Variants in BRINP3 observed in about 807,000 individuals in gnomAD.
BRINP3 encodes the protein BMP/retinoic acid inducible neural specific 3, also known as BMP/retinoic acid-inducible neural-specific protein 3.
A neutral mutation model predicts 71.0 loss-of-function variants in BRINP3; 19 were observed. That is an observed-to-expected ratio of 0.27 (90% CI 0.19 to 0.39). The LOEUF is 0.39. Among genes scored for constraint, BRINP3 ranks in the 10% least tolerant of loss-of-function variants. The pLI is 1.00. For missense variants in BRINP3, 959 were observed against 940.8 expected, an observed-to-expected ratio of 1.02 and a Z score of -0.25; for synonymous variants, 380 against 337.7, an observed-to-expected ratio of 1.13 and a Z score of -1.37.
At chr1:190,161,209 T>C (rs1048338089) in intron 6 of BRINP3, among the ~76,000 whole-genome samples, 1 of 152,018 alleles carries the variant, frequency 6.6e-6, no homozygotes, top group African/African-American at 2.4e-5. Flanking sequence ...CTTTTAAACG[T>C]CTTTCAGTAA....
intron 2 of BRINP3, among the ~76,000 whole-genome samples, chr1:190,379,195 G>A (rs1221684514): frequency 1.3e-5 from 2 of 152,030 alleles, no homozygotes; most frequent in Non-Finnish European, 2.9e-5. Flanking sequence ...TTTATTACAT[G>A]ATTTAAAAAA....
At chr1:190,384,357 C>T (rs144720307) in intron 2 of BRINP3, among the ~76,000 whole-genome samples, 60 of 151,762 alleles carry the variant, frequency 4.0e-4, no homozygotes, top group African/African-American at 1.4e-3. Flanking sequence ...GAAAATCAAA[C>T]TGTAATTAAT....
chr1:190,306,580 A>C (rs1487744882), intron 2 of BRINP3, among the ~76,000 whole-genome samples: 1 of 152,000 alleles, frequency 6.6e-6, no homozygotes, highest in Non-Finnish European at 1.5e-5. Context: ...ACTTTAGATA[A>C]AATGGCCATG....
At chr1:190,278,612 G>A (rs1662801379) in intron 3 of BRINP3, among the ~76,000 whole-genome samples, 1 of 151,290 alleles carries the variant, frequency 6.6e-6, no homozygotes, top group African/African-American at 2.4e-5. Flanking sequence ...AATTCCCGCA[G>A]GAAAATAAAG....
intron 2 of BRINP3, among the ~76,000 whole-genome samples, chr1:190,328,590 C>T (rs995951504): frequency 6.6e-6 from 1 of 151,752 alleles, no homozygotes. Context: ...TGAATCATAC[C>T]AGATATACAA....
At chr1:190,196,838 T>A (rs748996532) in intron 6 of BRINP3, among the ~76,000 whole-genome samples, 21 of 151,810 alleles carry the variant, frequency 1.4e-4, no homozygotes, top group Non-Finnish European at 2.9e-4. Context: ...ACTGAGAAAC[T>A]TTCATGGGTA....
intron 1 of BRINP3, among the ~76,000 whole-genome samples, chr1:190,458,927 T>C (rs879093613): frequency 6.6e-6 from 1 of 151,706 alleles, no homozygotes. Context: ...AGTGATTTTA[T>C]ATAAAAGAGA....
intron 2 of BRINP3, among the ~76,000 whole-genome samples, chr1:190,428,338 A>T (rs771777991): frequency 6.6e-6 from 1 of 152,038 alleles, no homozygotes. Context: ...ACTAAAATAT[A>T]CTATGAATAA....
intron 6 of BRINP3, among the ~76,000 whole-genome samples, chr1:190,177,840 G>T (rs1652681173): frequency 6.6e-6 from 1 of 152,158 alleles, no homozygotes; most frequent in African/African-American, 2.4e-5. Flanking sequence ...CACAACTGTG[G>T]ATTTAACCAG....
intron 7 of BRINP3, among the ~76,000 whole-genome samples, chr1:190,131,686 A>G (rs966972931): frequency 6.6e-6 from 1 of 152,088 alleles, no homozygotes; most frequent in African/African-American, 2.4e-5. Context: ...TGGTAGTATC[A>G]TTCTCCTGCT....
At chr1:190,337,992 A>AT (rs1309613888) in intron 2 of BRINP3, among the ~76,000 whole-genome samples, 1 of 152,010 alleles carries the variant, frequency 6.6e-6, no homozygotes, top group Non-Finnish European at 1.5e-5. Flanking sequence ...GTGTTGACTT[A>AT]ATTTCTTCAA....
intron 2 of BRINP3, among the ~76,000 whole-genome samples, chr1:190,432,206 A>G (rs1051924419): frequency 4.6e-5 from 7 of 152,184 alleles, no homozygotes; most frequent in Non-Finnish European, 8.8e-5. Flanking sequence ...TGGCCCAGTA[A>G]ATATAGCTTT....
chr1:190,128,382 G>A (rs987603487), intron 7 of BRINP3, among the ~76,000 whole-genome samples: 18 of 151,670 alleles, frequency 1.2e-4, no homozygotes, highest in African/African-American at 4.4e-4. Flanking sequence ...ATTACAATGT[G>A]TTATTTAACT....
intron 6 of BRINP3, among the ~76,000 whole-genome samples, chr1:190,222,714 C>T (rs1043611031): frequency 6.6e-6 from 1 of 151,266 alleles, no homozygotes; most frequent in South Asian, 2.1e-4. Context: ...GAAATTTATA[C>T]TAGAAAAATA....
At chr1:190,419,726 T>C (rs1673244602) in intron 2 of BRINP3, among the ~76,000 whole-genome samples, 1 of 144,046 alleles carries the variant, frequency 6.9e-6, no homozygotes, top group African/African-American at 2.6e-5. Flanking sequence ...CACGTTAGCT[T>C]TCTAAGAAAC....
intron 7 of BRINP3, among the ~76,000 whole-genome samples, chr1:190,158,831 G>A (rs1048053676): frequency 4.0e-5 from 6 of 150,348 alleles, no homozygotes; most frequent in Non-Finnish European, 8.9e-5. Flanking sequence ...TGAAAATGAG[G>A]TTGAAAAACT....
intron 2 of BRINP3, among the ~76,000 whole-genome samples, chr1:190,326,714 C>A (rs993587923): frequency 6.6e-5 from 10 of 152,000 alleles, no homozygotes; most frequent in African/African-American, 2.2e-4. Flanking sequence ...GCTTCATAAG[C>A]AAATAACAAA....
At chr1:190,292,259 T>C (rs1462769003) in intron 2 of BRINP3, among the ~76,000 whole-genome samples, 1 of 152,128 alleles carries the variant, frequency 6.6e-6, no homozygotes, top group African/African-American at 2.4e-5. Flanking sequence ...TGGCCATATA[T>C]TGTATTCTTG....
chr1:190,230,197 A>G (rs539201986), intron 5 of BRINP3, among the ~76,000 whole-genome samples: 1 of 152,110 alleles, frequency 6.6e-6, no homozygotes, highest in East Asian at 1.9e-4. Flanking sequence ...CCTAAACCAC[A>G]TTTAAATATA....
Sources: allele counts gnomAD v4.1 joint callset (sites outside exome capture counted in the v4.1 genomes callset), GRCh38; gene constraint gnomAD v4.1.1; transcripts MANE v1.5; gene names NCBI Gene and HGNC (gene_info 2026-07-23, HGNC 2026-07-21).